The following ODF2L variants were observed in gnomAD, a reference collection of about 807,000 sequenced individuals.
ODF2L encodes protein BCAP.
In ODF2L, 76 loss-of-function variants were observed where a neutral mutation model predicts 86.3. The ratio of observed to expected loss-of-function variants is 0.88; its 90% CI spans 0.73 to 1.07. The LOEUF is 1.07. Among genes scored for constraint, ODF2L ranks in the 50% least tolerant of loss-of-function variants. The pLI is 0.00. For missense variants in ODF2L, 748 were observed against 717.4 expected (o/e 1.04, Z -0.49); for synonymous variants, 241 against 231.3 (o/e 1.04, Z -0.38).
At chr1:86,352,357 T>C (rs1426967439) in intron 17 of ODF2L, 1 of 931,672 alleles carries the variant, frequency 1.1e-6, no homozygotes, top group Non-Finnish European at 1.5e-6. Flanking sequence ...GAAGACTAAT[T>C]AAGCACAGTC....
downstream of ODF2L, chr1:86,348,936 C>A: frequency 1.3e-6 from 2 of 1,484,644 alleles, no homozygotes; most frequent in Non-Finnish European, 1.8e-6. Context: ...TCCAAAGGAC[C>A]AGAGTCATAA....
At position 86,384,500 on chromosome 1, in the gene ODF2L, C is replaced by T. The variant is rs113947736; in HGVS notation, c.372+176G>A. Among the ~76,000 whole-genome samples the T allele has an allele frequency of 9.2e-3, 1,397 of 151,818 alleles. 22 individuals carry two copies. Among genetic ancestry groups the T allele is most frequent in the African/African-American group, 0.032 (1,338 of 41,514 alleles). On this transcript the variant is annotated intron_variant, in intron 4 of 17. Coordinates refer to ENST00000317336, the Ensembl canonical transcript of ODF2L. Reference sequence around the variant, plus strand: ...AATAAAAATACATTTTCTATAAAAACGTGGTGTTCATATACAACTACTTAT... The same window carrying T: ...AATAAAAATACATTTTCTATAAAAATGTGGTGTTCATATACAACTACTTAT...
intron 7 of ODF2L, among the ~76,000 whole-genome samples, chr1:86,380,774 A>C (rs1420033414): frequency 6.6e-6 from 1 of 152,106 alleles, no homozygotes; most frequent in Non-Finnish European, 1.5e-5. Flanking sequence ...GAAAATAAGA[A>C]AACGTTCTAA....
rs751211006 is a variant in ODF2L at position 86,386,951 on chromosome 1, T to A, written c.77A>T (p.Asp26Val). Residue 26 changes from aspartate to valine, a missense_variant, in exon 2 of 18, where the codon GAT (aspartate) becomes GTT (valine). Asp to Val is a radical substitution (Grantham distance 152, BLOSUM62 -3). Transcript: ENST00000317336. Reference sequence around the variant, plus strand: ...ACTTTCACTGGTACACCGTGGTAAATCTTCTTTCTCTGATATAGTTTTAAG... The same window carrying A: ...ACTTTCACTGGTACACCGTGGTAAAACTTCTTTCTCTGATATAGTTTTAAG... 6.3e-7 allele frequency: 1 copy of A among 1,597,402 alleles called. No individual in the cohort carries two copies. Among genetic ancestry groups the A allele is most frequent in the Admixed American group, 1.7e-5 (1 of 58,600 alleles).
chr1:86,363,041 G>A (rs1400472761), intron 11 of ODF2L, among the ~76,000 whole-genome samples: 1 of 152,204 alleles, frequency 6.6e-6, no homozygotes, highest in Non-Finnish European at 1.5e-5. Flanking sequence ...GAATGATCAG[G>A]AGGTCACAGT....
At chr1:86,385,550 C>T in exon 3 of ODF2L, 2 of 1,610,966 alleles carry the variant, frequency 1.2e-6, no homozygotes, top group Non-Finnish European at 8.5e-7. Context: ...TTAAGTGTTG[C>T]TTCCAATTCA....
rs1658590188 is a variant in ODF2L at position 86,356,675 on chromosome 1, T to C, written c.1360-73A>G. On this transcript the variant is annotated intron_variant, in intron 13 of 17. Coordinates refer to ENST00000317336, the Ensembl canonical transcript of ODF2L. ...TTAATATTTTTATTATCTTAAATAC[T>C]AGATATGCTTATAACGTAAGTATTT... The C allele has an allele frequency of 5.5e-6, 7 of 1,268,106 alleles. No homozygotes were observed. The South Asian group carries it at 8.2e-5, about 15-fold the overall frequency. 78.6% of individuals were successfully genotyped at this position (1,268,106 alleles called of 1,614,324 possible). A position where few individuals can be genotyped will look rare whatever the true frequency, so the allele number is the denominator to read the frequency against.
intron 11 of ODF2L, among the ~76,000 whole-genome samples, chr1:86,367,916 T>C (rs1242564214): frequency 6.6e-6 from 1 of 152,232 alleles, no homozygotes; most frequent in Non-Finnish European, 1.5e-5. Flanking sequence ...GTGAACCTCA[T>C]CTTAGTATTG....
chr1:86,369,976 T>A (rs1285683058), intron 10 of ODF2L, among the ~76,000 whole-genome samples: 1 of 152,196 alleles, frequency 6.6e-6, no homozygotes, highest in Non-Finnish European at 1.5e-5. Context: ...ATTTTTAAAT[T>A]GTGTATATTT....
intron 11 of ODF2L, among the ~76,000 whole-genome samples, chr1:86,367,333 G>A (rs1158744533): frequency 6.6e-6 from 1 of 152,124 alleles, no homozygotes; most frequent in Non-Finnish European, 1.5e-5. Flanking sequence ...AATATTAGTT[G>A]CAGATATATT....
chr1:86,385,403 C>A, intron 3 of ODF2L, 55 bp downstream of exon 3: 1 of 1,073,786 alleles, frequency 9.3e-7, no homozygotes, highest in South Asian at 1.5e-5. Flanking sequence ...TCAGTTAATG[C>A]ATTCTGAGTA....
At chr1:86,352,954 T>G (rs201843701) in exon 17 of ODF2L, 1 of 1,531,132 alleles carries the variant, frequency 6.5e-7, no homozygotes, top group Admixed American at 1.8e-5. Flanking sequence ...GCACTCTCTC[T>G]AGATGACATT....
At chr1:86,390,057 T>C (rs989353264) in intron 1 of ODF2L, among the ~76,000 whole-genome samples, 1 of 152,112 alleles carries the variant, frequency 6.6e-6, no homozygotes, top group South Asian at 2.1e-4. Context: ...ATCACCCTAA[T>C]GCCAAAACCA....
At chr1:86,347,691 T>C (rs1415236435), downstream of ODF2L, 1 of 152,224 alleles carries the variant, frequency 6.6e-6, no homozygotes, top group Non-Finnish European at 1.5e-5. Flanking sequence ...TTTCTGTTCA[T>C]AGGCTGGAAC....
In ODF2L at chr1:86,391,605, G is replaced by T. The variant is rs190258631; in HGVS notation, c.-60+4428C>A. On this transcript the variant is annotated intron_variant, in intron 1 of 17. Transcript: ENST00000317336. ...ACACCCTATTCAACAAATGGTGCTG[G>T]GATAATTGGCAAGCCGCATGTAGGA... 2.3e-3 allele frequency among the ~76,000 whole-genome samples: 357 copies of T among 152,240 alleles called. 2 individuals carry two copies. Among genetic ancestry groups the T allele is most frequent in the Non-Finnish European group, 3.9e-3 (265 of 68,012 alleles).
intron 11 of ODF2L, among the ~76,000 whole-genome samples, chr1:86,365,950 GAA>G (rs1659380586): frequency 6.6e-6 from 1 of 152,154 alleles, no homozygotes; most frequent in Non-Finnish European, 1.5e-5. Flanking sequence ...ACAAAGATAA[GAA>G]AAGTCCTTCT....
chr1:86,358,752 T>C (rs1658782567), intron 13 of ODF2L, 35 bp downstream of exon 12: 1 of 878,040 alleles, frequency 1.1e-6, no homozygotes, highest in African/African-American at 1.8e-5. Context: ...GTAAAAAATA[T>C]ATAAAATATT....
At chr1:86,357,723 C>T (rs1658696001) in intron 13 of ODF2L, 1 of 973,610 alleles carries the variant, frequency 1.0e-6, no homozygotes, top group Admixed American at 6.2e-5. Flanking sequence ...AGACTTAAAA[C>T]AGTGAAGTAA....
intron 8 of ODF2L, among the ~76,000 whole-genome samples, chr1:86,375,667 A>C (rs755883328): frequency 1.8e-4 from 28 of 152,200 alleles, no homozygotes; most frequent in Non-Finnish European, 3.5e-4. Flanking sequence ...ATGTCAGCAC[A>C]TGGTTTTAAA....
Sources: allele counts gnomAD v4.1 joint callset (sites outside exome capture counted in the v4.1 genomes callset), GRCh38; gene constraint gnomAD v4.1.1; transcripts MANE v1.5; gene names NCBI Gene and HGNC (gene_info 2026-07-23, HGNC 2026-07-21).